The following DPP10 variants were observed in gnomAD, a reference collection of about 807,000 sequenced individuals.
The protein encoded by DPP10 is inactive dipeptidyl peptidase 10.
A neutral mutation model predicts 120.9 loss-of-function variants in DPP10; 33 were observed. That is an observed-to-expected ratio of 0.27 (90% CI 0.21 to 0.37). DPP10 has a LOEUF of 0.37. Among genes scored for constraint, DPP10 ranks in the 10% least tolerant of loss-of-function variants. The pLI is 1.00. For missense variants in DPP10, 816 were observed against 942.8 expected, an observed-to-expected ratio of 0.87 and a Z score of 1.76; for synonymous variants, 337 against 326.1, an observed-to-expected ratio of 1.03 and a Z score of -0.36.
intron 12 of DPP10, among the ~76,000 whole-genome samples, 191 bp downstream of exon 12, chr2:115,762,801 A>AT (rs1680275244): frequency 6.6e-6 from 1 of 152,100 alleles, no homozygotes; most frequent in Non-Finnish European, 1.5e-5. Flanking sequence ...GGTTACTTCC[A>AT]TTTTTTTAGG....
chr2:115,205,436 A>G (rs2056055047), intron 1 of DPP10, among the ~76,000 whole-genome samples: 1 of 152,162 alleles, frequency 6.6e-6, no homozygotes, highest in African/African-American at 2.4e-5. Flanking sequence ...GTGGGAATGT[A>G]AATTAGTTCA....
intron 1 of DPP10, among the ~76,000 whole-genome samples, chr2:114,696,871 A>G (rs1700099112): frequency 6.6e-6 from 1 of 152,014 alleles, no homozygotes; most frequent in African/African-American, 2.4e-5. Context: ...CTTGGGTTTC[A>G]ATTATGGCAT....
chr2:114,614,173 A>G (rs785044), intron 1 of DPP10, among the ~76,000 whole-genome samples: 3,916 of 152,228 alleles, frequency 0.026, 165 homozygotes, highest in African/African-American at 0.088. Flanking sequence ...CCCTAACACA[A>G]TTTAGCTTTC....
At chr2:114,797,549 A>G (rs1326019259) in intron 1 of DPP10, among the ~76,000 whole-genome samples, 3 of 152,256 alleles carry the variant, frequency 2.0e-5, no homozygotes, top group African/African-American at 7.2e-5. Flanking sequence ...TGAGGATAAT[A>G]GTATGGCAAA....
At chr2:114,957,462 G>A (rs924946042) in intron 1 of DPP10, among the ~76,000 whole-genome samples, 27 of 152,142 alleles carry the variant, frequency 1.8e-4, no homozygotes, top group Admixed American at 1.3e-3. Context: ...TGTTGAAGAG[G>A]AAATGGAAGA....
chr2:115,338,262 AT>A (rs2063263805), intron 2 of DPP10, among the ~76,000 whole-genome samples: 1 of 152,086 alleles, frequency 6.6e-6, no homozygotes, highest in African/African-American at 2.4e-5. Flanking sequence ...GCTTGGTTGG[AT>A]TTTGTTACAG....
intron 1 of DPP10, among the ~76,000 whole-genome samples, chr2:115,035,574 C>T (rs976419378): frequency 6.6e-6 from 1 of 152,194 alleles, no homozygotes; most frequent in Non-Finnish European, 1.5e-5. Context: ...ACAATTCTTA[C>T]ATTTCACTTT....
At chr2:115,057,815 C>T (rs192717232) in intron 1 of DPP10, among the ~76,000 whole-genome samples, 16 of 152,198 alleles carry the variant, frequency 1.1e-4, no homozygotes, top group Non-Finnish European at 2.1e-4. Context: ...CAGGACAACC[C>T]CTCATAAGGA....
chr2:115,338,665 A>G (rs1046470799), intron 2 of DPP10, among the ~76,000 whole-genome samples: 2 of 152,128 alleles, frequency 1.3e-5, no homozygotes, highest in African/African-American at 4.8e-5. Flanking sequence ...AAATAATTCA[A>G]TAGAATTAAA....
intron 8 of DPP10, 106 bp downstream of exon 8, chr2:115,728,042 C>A (rs1223601583): frequency 1.5e-6 from 2 of 1,308,784 alleles, no homozygotes; most frequent in Non-Finnish European, 1.0e-6. Flanking sequence ...AGTACAGTTT[C>A]TTCTCATTTT....
intron 1 of DPP10, among the ~76,000 whole-genome samples, chr2:114,750,438 A>G (rs1558701607): frequency 6.6e-6 from 1 of 151,782 alleles, no homozygotes; most frequent in African/African-American, 2.4e-5. Flanking sequence ...GGTTCACACC[A>G]TTCTCCTGCC....
chr2:114,978,262 G>A (rs919646408), intron 1 of DPP10, among the ~76,000 whole-genome samples: 2 of 152,160 alleles, frequency 1.3e-5, no homozygotes, highest in Non-Finnish European at 2.9e-5. Context: ...ACTGGTGTGA[G>A]TGAAGAACCA....
At position 114,776,530 on chromosome 2, in the gene DPP10, A is replaced by C. The variant is rs147889020; in HGVS notation, c.60+333692A>C. Among the ~76,000 whole-genome samples the C allele has an allele frequency of 6.6e-3, 1,009 of 152,298 alleles. 16 individuals carry two copies. The highest frequency in any genetic ancestry group is 0.023 in the African/African-American group (941 of 41,574). On this transcript the variant is annotated intron_variant, in intron 1 of 25. Transcript: ENST00000410059. ...TCCTTAGGAGCTAGCGCTAGATCTG[A>C]GTGAACACTGCCAGTAGTGTGATGA...
chr2:114,808,603 A>G (rs1324402369), intron 1 of DPP10, among the ~76,000 whole-genome samples: 1 of 151,870 alleles, frequency 6.6e-6, no homozygotes, highest in African/African-American at 2.4e-5. Context: ...TGACATAAAA[A>G]TGAAACCGTT....
chr2:115,226,981 A>G (rs1162815124), intron 1 of DPP10, among the ~76,000 whole-genome samples: 1 of 152,200 alleles, frequency 6.6e-6, no homozygotes, highest in Non-Finnish European at 1.5e-5. Context: ...AGGCACATTT[A>G]TTGAGTACAG....
intron 1 of DPP10, among the ~76,000 whole-genome samples, chr2:114,595,049 T>C (rs773009904): frequency 3.3e-5 from 5 of 152,142 alleles, no homozygotes; most frequent in African/African-American, 4.8e-5. Flanking sequence ...TCTGGGCTTT[T>C]GTAATTAATA....
At chr2:115,613,135 G>A (rs72945985) in intron 5 of DPP10, among the ~76,000 whole-genome samples, 2,840 of 152,256 alleles carry the variant, frequency 0.019, 98 homozygotes, top group African/African-American at 0.064. Context: ...ACTCGCTGTG[G>A]AAGTGATTTC....
chr2:115,351,507 C>T (rs1016325498), intron 3 of DPP10, among the ~76,000 whole-genome samples: 2 of 151,796 alleles, frequency 1.3e-5, no homozygotes, highest in Non-Finnish European at 2.9e-5. Context: ...CACACATATA[C>T]CCCCAAATCT....
At chr2:114,589,265 G>T (rs1242110059) in intron 1 of DPP10, among the ~76,000 whole-genome samples, 6 of 152,124 alleles carry the variant, frequency 3.9e-5, no homozygotes, top group Non-Finnish European at 7.4e-5. Flanking sequence ...ATTCCTGGAG[G>T]CCCAGCCTGT....
Sources: gnomAD v4.1 joint callset for allele counts (sites outside exome capture counted in the v4.1 genomes callset) on GRCh38, gnomAD v4.1.1 for gene constraint, MANE v1.5 for transcripts, NCBI Gene and HGNC (gene_info 2026-07-23, HGNC 2026-07-21) for gene names.